The following ADGRB3 variants were observed in gnomAD, a reference collection of about 807,000 sequenced individuals.
ADGRB3 encodes the protein brain-specific angiogenesis inhibitor 3.
ADGRB3 carries 37 observed loss-of-function variants against 193.4 expected under a neutral mutation model. The observed-to-expected ratio is 0.19, with a 90% confidence interval of 0.15 to 0.25. The LOEUF is 0.25. ADGRB3 is among the 10% of genes least tolerant of loss of function. The pLI is 1.00. For synonymous variants in ADGRB3, 690 were observed against 644.2 expected (o/e 1.07, Z -1.08); for missense variants, 1,637 against 1,852.9 (o/e 0.88, Z 2.14).
chr6:69,076,589 TA>T (rs149909987), intron 17 of ADGRB3, among the ~76,000 whole-genome samples: 2,346 of 152,186 alleles, frequency 0.015, 29 homozygotes, highest in Non-Finnish European at 0.026. Context: ...TCTTCCATGT[TA>T]TTTTTTTGTT....
chr6:69,218,548 G>A (rs1413175997), intron 17 of ADGRB3, among the ~76,000 whole-genome samples: 2 of 152,172 alleles, frequency 1.3e-5, no homozygotes, highest in African/African-American at 4.8e-5. Context: ...AATGACATCT[G>A]CATTAACAGC....
chr6:69,236,703 A>G (rs980613515), intron 19 of ADGRB3, among the ~76,000 whole-genome samples: 2 of 152,054 alleles, frequency 1.3e-5, no homozygotes, highest in African/African-American at 4.8e-5. Context: ...ATCCCTCAAT[A>G]CATATCACTA....
intron 3 of ADGRB3, among the ~76,000 whole-genome samples, chr6:68,926,224 A>G (rs923964829): frequency 4.6e-5 from 7 of 152,198 alleles, no homozygotes; most frequent in African/African-American, 1.7e-4. Flanking sequence ...AAAATTCATA[A>G]GTAAAACTTC....
chr6:69,048,397 A>C, intron 14 of ADGRB3, 63 bp downstream of exon 14: 1 of 1,490,908 alleles, frequency 6.7e-7, no homozygotes, highest in East Asian at 2.3e-5. Flanking sequence ...TTAATTAGAA[A>C]TTAGGTATAA....
At chr6:68,669,880 C>T (rs1739537361) in intron 3 of ADGRB3, among the ~76,000 whole-genome samples, 1 of 151,914 alleles carries the variant, frequency 6.6e-6, no homozygotes, top group Admixed American at 6.6e-5. Flanking sequence ...AACTTACATT[C>T]CCACCCACAG....
rs371733992 is a variant in ADGRB3 at position 69,235,111 on chromosome 6, C to A, written c.2687C>A (p.Ala896Glu). 1 of 1,610,770 alleles carries A rather than the reference C, an allele frequency of 6.2e-7. No individual in the cohort carries two copies. The highest frequency in any genetic ancestry group is 8.5e-7 in the Non-Finnish European group (1 of 1,177,122). ...TCTTGCTTGGCCTTGATTACCCTAG[C>A]AGTTGTCTATGCAGCATTATGGAGG... is the stretch of plus-strand genomic sequence containing the variant. ...GLSCLALITL[A>E]VVYAALWRYI... Residue 896 changes from alanine to glutamate, a missense_variant, in exon 19 of 32, where the codon GCA (alanine) becomes GAA (glutamate). By Grantham distance (107) the Ala-to-Glu change is moderately radical. Transcript: ENST00000370598.
intron 3 of ADGRB3, among the ~76,000 whole-genome samples, chr6:68,655,344 T>G (rs1238019552): frequency 6.6e-6 from 1 of 151,648 alleles, no homozygotes; most frequent in Non-Finnish European, 1.5e-5. Context: ...TGGTGATGAT[T>G]TTAGTGAAAT....
intron 3 of ADGRB3, among the ~76,000 whole-genome samples, chr6:68,882,823 A>C (rs1582280695): frequency 6.6e-6 from 1 of 152,196 alleles, no homozygotes; most frequent in East Asian, 1.9e-4. Flanking sequence ...CTTAATGGTT[A>C]TTTCCCTGGA....
intron 3 of ADGRB3, among the ~76,000 whole-genome samples, chr6:68,843,270 CA>C (rs959077805): frequency 6.6e-6 from 1 of 151,680 alleles, no homozygotes; most frequent in Non-Finnish European, 1.5e-5. Flanking sequence ...TTTTATATTT[CA>C]AAAAACCCAA....
intron 20 of ADGRB3, among the ~76,000 whole-genome samples, chr6:69,240,377 T>G (rs1766359289): frequency 6.6e-6 from 1 of 152,098 alleles, no homozygotes; most frequent in African/African-American, 2.4e-5. Context: ...TAAAAATTAC[T>G]TTCGTGTCTT....
At chr6:68,802,668 A>G (rs149823515) in intron 3 of ADGRB3, among the ~76,000 whole-genome samples, 1 of 152,348 alleles carries the variant, frequency 6.6e-6, no homozygotes, top group Non-Finnish European at 1.5e-5. Context: ...CCATTTAAAC[A>G]GTTGAACTCA....
intron 5 of ADGRB3, among the ~76,000 whole-genome samples, chr6:68,939,535 G>C (rs1012475450): frequency 6.6e-6 from 1 of 151,950 alleles, no homozygotes. Context: ...AATGAGAAAA[G>C]TTTTATTTAT....
At chr6:69,143,792 G>A (rs1395320853) in intron 17 of ADGRB3, among the ~76,000 whole-genome samples, 1 of 152,104 alleles carries the variant, frequency 6.6e-6, no homozygotes, top group Non-Finnish European at 1.5e-5. Context: ...TAGCTCCGTA[G>A]TATAATTTGA....
At chr6:68,707,405 C>A (rs1765343462) in intron 3 of ADGRB3, among the ~76,000 whole-genome samples, 1 of 152,018 alleles carries the variant, frequency 6.6e-6, no homozygotes, top group African/African-American at 2.4e-5. Context: ...GAGGTAAAAC[C>A]ATTTGTGTCT....
intron 3 of ADGRB3, among the ~76,000 whole-genome samples, chr6:68,718,008 A>G (rs1366579601): frequency 6.6e-6 from 1 of 151,798 alleles, no homozygotes; most frequent in East Asian, 1.9e-4. Flanking sequence ...TTGAAATCAT[A>G]TTAAACAGTA....
rs759385998 is a variant in ADGRB3, at chr6:69,332,281, TAGAA to T, written c.3103-636_3103-633del. On this transcript the variant is annotated intron_variant, in intron 23 of 31. Coordinates refer to ENST00000370598, the MANE Select transcript of ADGRB3 (RefSeq NM_001704.3). ...CTTTTAAGTGAGAATAAGAAAGTCT[TAGAA>T]AGAAAATGATAGAACTGTACACTAG... 611 of 985,394 alleles carry T rather than the reference TAGAA, an allele frequency of 6.2e-4. 1 individual carries two copies. Among genetic ancestry groups the T allele is most frequent in the Admixed American group, 3.1e-3 (50 of 16,286 alleles). 61.0% of individuals were successfully genotyped at this position (985,394 alleles called of 1,614,324 possible).
rs148588554 is a variant in ADGRB3, at chr6:68,968,427, C to T, written c.1526-6336C>T. On this transcript the variant is annotated intron_variant, in intron 8 of 31. Coordinates refer to ENST00000370598, the MANE Select transcript of ADGRB3 (RefSeq NM_001704.3). Reference sequence around the variant, plus strand: ...AAATTGAATCTTCGTTTTCTTATGTCACGACTGAATCAGGAAATCTAGTAT... The same window carrying T: ...AAATTGAATCTTCGTTTTCTTATGTTACGACTGAATCAGGAAATCTAGTAT... Among the ~76,000 whole-genome samples, 631 of 152,256 alleles carry T rather than the reference C, an allele frequency of 4.1e-3. 2 individuals carry two copies. Among genetic ancestry groups the T allele is most frequent in the Non-Finnish European group, 7.7e-3 (527 of 68,022 alleles).
chr6:69,236,454 G>A (rs987455181), intron 19 of ADGRB3, among the ~76,000 whole-genome samples: 1 of 151,850 alleles, frequency 6.6e-6, no homozygotes, highest in African/African-American at 2.4e-5. Context: ...TTGGGTTCAG[G>A]GCTCACTCAA....
At chr6:68,879,464 G>A (rs1243416910) in intron 3 of ADGRB3, among the ~76,000 whole-genome samples, 21 of 151,990 alleles carry the variant, frequency 1.4e-4, no homozygotes, top group African/African-American at 4.8e-4. Context: ...TCCTGACCTC[G>A]TGATCCGCCC....
Sources: gnomAD v4.1 joint callset for allele counts (sites outside exome capture counted in the v4.1 genomes callset) on GRCh38, gnomAD v4.1.1 for gene constraint, MANE v1.5 for transcripts, NCBI Gene and HGNC (gene_info 2026-07-23, HGNC 2026-07-21) for gene names.